Variants in TMEM108 observed in about 807,000 individuals in gnomAD.
TMEM108 encodes the protein transmembrane protein 108, also known as cancer/testis antigen 124.
In TMEM108, 12 loss-of-function variants were observed where a neutral mutation model predicts 35.1. The observed-to-expected ratio is 0.34, with a 90% CI of 0.22 to 0.55. TMEM108 has a LOEUF of 0.55. Ranked by LOEUF, TMEM108 falls within the 20% of genes least tolerant of loss-of-function variation. The pLI is 0.89. For missense variants in TMEM108, 680 were observed against 753.3 expected (o/e 0.90, Z 1.14); for synonymous variants, 287 against 308.6 (o/e 0.93, Z 0.73).
chr3:133,286,935 A>C (rs901567774), intron 3 of TMEM108, among the ~76,000 whole-genome samples: 4 of 152,332 alleles, frequency 2.6e-5, no homozygotes, highest in African/African-American at 9.6e-5. Flanking sequence ...TCTTTCTGCT[A>C]TCTGCTTCTC....
chr3:133,222,948 G>T (rs1472642257), intron 2 of TMEM108, among the ~76,000 whole-genome samples: 1 of 151,996 alleles, frequency 6.6e-6, no homozygotes, highest in Non-Finnish European at 1.5e-5. Flanking sequence ...AGCCTCTCAA[G>T]AAGCTGGGAC....
At chr3:133,126,806 C>T (rs890005678) in intron 2 of TMEM108, among the ~76,000 whole-genome samples, 3 of 152,122 alleles carry the variant, frequency 2.0e-5, no homozygotes, top group African/African-American at 7.2e-5. Context: ...ATAACCTGTA[C>T]ACATCCTCCC....
At chr3:133,136,259 A>G (rs1024754929) in intron 2 of TMEM108, among the ~76,000 whole-genome samples, 26 of 152,118 alleles carry the variant, frequency 1.7e-4, no homozygotes, top group Non-Finnish European at 3.5e-4. Context: ...GTCTGTTTTT[A>G]TCTTAGCACT....
rs553128121 is a variant in TMEM108, at chr3:133,235,249, C to G, written c.40+5898C>G. Among the ~76,000 whole-genome samples, 14 of 152,150 alleles carry G rather than the reference C, an allele frequency of 9.2e-5. No individual in the cohort carries two copies. The East Asian group carries it at 2.3e-3, about 25-fold the overall frequency. ...ACTTTCTTCACAGAATTGGAAAAAA[C>G]TACTTTAAAGTTCATATGGAACCAA... is the stretch of plus-strand genomic sequence containing the variant. On this transcript the variant is annotated intron_variant, in intron 3 of 5. Transcript: ENST00000321871.
chr3:133,149,690 C>T (rs1944770130), intron 2 of TMEM108, among the ~76,000 whole-genome samples: 1 of 152,068 alleles, frequency 6.6e-6, no homozygotes, highest in South Asian at 2.1e-4. Flanking sequence ...TTTTTAAAGG[C>T]TGAATAGTAT....
intron 3 of TMEM108, among the ~76,000 whole-genome samples, chr3:133,377,684 C>T (rs942463016): frequency 1.3e-5 from 2 of 152,186 alleles, no homozygotes; most frequent in East Asian, 1.9e-4. Flanking sequence ...AATGTGCTGT[C>T]GGTGTGTGGT....
intron 2 of TMEM108, among the ~76,000 whole-genome samples, chr3:133,102,689 T>C (rs1347061670): frequency 6.6e-6 from 1 of 152,198 alleles, no homozygotes; most frequent in Non-Finnish European, 1.5e-5. Flanking sequence ...GCTGAAAATA[T>C]ACGTATCACA....
At chr3:133,267,037 C>T (rs1287333147) in intron 3 of TMEM108, among the ~76,000 whole-genome samples, 10 of 149,142 alleles carry the variant, frequency 6.7e-5, no homozygotes, top group African/African-American at 1.7e-4. Flanking sequence ...GTCGAGATCG[C>T]GCCACTGCAC....
chr3:133,312,269 T>C (rs2071139630), intron 3 of TMEM108, among the ~76,000 whole-genome samples: 1 of 152,256 alleles, frequency 6.6e-6, no homozygotes, highest in Non-Finnish European at 1.5e-5. Context: ...TCTTCAGAGC[T>C]GTCAGACAGG....
chr3:133,273,073 C>T (rs1946795611), intron 3 of TMEM108, among the ~76,000 whole-genome samples: 1 of 152,248 alleles, frequency 6.6e-6, no homozygotes, highest in East Asian at 1.9e-4. Context: ...AGGGGTGGGT[C>T]ACAAACCCCT....
At chr3:133,321,986 A>G (rs2071273059) in intron 3 of TMEM108, among the ~76,000 whole-genome samples, 1 of 152,212 alleles carries the variant, frequency 6.6e-6, no homozygotes, top group Non-Finnish European at 1.5e-5. Flanking sequence ...CTGAATGATA[A>G]TTTTGACACA....
intron 4 of TMEM108, among the ~76,000 whole-genome samples, chr3:133,383,954 G>A (rs1439878260): frequency 6.6e-6 from 1 of 152,110 alleles, no homozygotes; most frequent in Non-Finnish European, 1.5e-5. Flanking sequence ...CAACTCCTGC[G>A]GGACCATCGT....
chr3:133,220,459 T>C (rs1319213594), intron 2 of TMEM108, among the ~76,000 whole-genome samples: 2 of 152,178 alleles, frequency 1.3e-5, no homozygotes, highest in African/African-American at 4.8e-5. Flanking sequence ...CTTGATTTGA[T>C]AATGTAATCC....
intron 2 of TMEM108, among the ~76,000 whole-genome samples, chr3:133,204,969 A>T (rs1445456991): frequency 6.6e-6 from 1 of 152,206 alleles, no homozygotes. Context: ...AACTTACTTT[A>T]TGAATCTGGG....
intron 2 of TMEM108, among the ~76,000 whole-genome samples, chr3:133,105,949 AG>A (rs2107719535): frequency 6.6e-6 from 1 of 152,316 alleles, no homozygotes; most frequent in African/African-American, 2.4e-5. Context: ...TAAAGGGTAA[AG>A]GTCCTTCTAA....
chr3:133,151,949 G>A (rs1439494839), intron 2 of TMEM108, among the ~76,000 whole-genome samples: 5 of 152,136 alleles, frequency 3.3e-5, no homozygotes, highest in Non-Finnish European at 7.4e-5. Flanking sequence ...TGAATGTCAT[G>A]GTTGATGCCA....
chr3:133,274,868 C>G (rs1946817999), intron 3 of TMEM108, among the ~76,000 whole-genome samples: 1 of 152,142 alleles, frequency 6.6e-6, no homozygotes, highest in South Asian at 2.1e-4. Context: ...AGTTTCTACA[C>G]CTGAGCCATT....
intron 2 of TMEM108, among the ~76,000 whole-genome samples, chr3:133,132,148 G>T (rs990898645): frequency 1.3e-5 from 2 of 152,206 alleles, no homozygotes; most frequent in Non-Finnish European, 1.5e-5. Flanking sequence ...TGCTCATGGA[G>T]AAGCTGCAGC....
At chr3:133,156,001 T>G (rs1944875511) in intron 2 of TMEM108, among the ~76,000 whole-genome samples, 1 of 152,014 alleles carries the variant, frequency 6.6e-6, no homozygotes, top group Admixed American at 6.6e-5. Flanking sequence ...TAATCCATCT[T>G]GAGTTTATTT....
Sources: gnomAD v4.1 joint callset for allele counts (sites outside exome capture counted in the v4.1 genomes callset) on GRCh38, gnomAD v4.1.1 for gene constraint, MANE v1.5 for transcripts, NCBI Gene and HGNC (gene_info 2026-07-23, HGNC 2026-07-21) for gene names.